CDK14: variants seen among roughly 807,000 people sequenced by gnomAD.
CDK14 encodes the protein cyclin-dependent kinase 14.
Under a neutral mutation model 60.7 loss-of-function variants are expected in CDK14, and 34 were observed. The ratio of observed to expected loss-of-function variants is 0.56; its 90% CI spans 0.43 to 0.75. The LOEUF (loss-of-function observed/expected upper bound fraction) is 0.75, where lower values mean the gene tolerates loss of function less well. CDK14 is among the 30% of genes least tolerant of loss of function. The probability of loss-of-function intolerance (pLI) is 0.00; values close to 1 mark genes in which losing one functional copy is unlikely to be tolerated. For missense variants in CDK14, 482 were observed against 564.1 expected (o/e 0.85, Z 1.47); for synonymous variants, 197 against 203.7 (o/e 0.97, Z 0.28).
At chr7:91,081,169 A>G (rs1798473194) in intron 12 of CDK14, among the ~76,000 whole-genome samples, 1 of 152,234 alleles carries the variant, frequency 6.6e-6, no homozygotes, top group South Asian at 2.1e-4. Flanking sequence ...GCCTCTAGCC[A>G]ATTCAAACCA....
chr7:91,033,954 A>G (rs922239272), intron 10 of CDK14, among the ~76,000 whole-genome samples: 4 of 152,330 alleles, frequency 2.6e-5, no homozygotes, highest in Non-Finnish European at 5.9e-5. Flanking sequence ...GAACAGGGAG[A>G]GGGAAAAGCA....
chr7:90,677,648 GT>G (rs368811450), intron 2 of CDK14, among the ~76,000 whole-genome samples: 1,790 of 148,992 alleles, frequency 0.012, 11 homozygotes, highest in Non-Finnish European at 0.02. Flanking sequence ...CCTGGAAGCT[GT>G]TTTTTTTTTC....
intron 2 of CDK14, chr7:90,709,868 T>C (rs1801998117): frequency 1.5e-6 from 2 of 1,363,906 alleles, no homozygotes; most frequent in African/African-American, 3.0e-5. Context: ...ATTCAGTTGC[T>C]GTATGAGCCT....
At chr7:90,963,108 T>TGC (rs1204464162) in intron 9 of CDK14, among the ~76,000 whole-genome samples, 3 of 151,498 alleles carry the variant, frequency 2.0e-5, no homozygotes, top group Admixed American at 1.3e-4. Flanking sequence ...TGTGTGTGTG[T>TGC]GTGTGTGTGT....
chr7:90,607,177 C>CT (rs1799436049), intron 2 of CDK14, among the ~76,000 whole-genome samples: 1 of 152,198 alleles, frequency 6.6e-6, no homozygotes, highest in South Asian at 2.1e-4. Flanking sequence ...GAACTGAGTT[C>CT]TTCTGTGATC....
chr7:90,638,696 A>T (rs1408739599), intron 2 of CDK14, among the ~76,000 whole-genome samples: 1 of 152,144 alleles, frequency 6.6e-6, no homozygotes, highest in South Asian at 2.1e-4. Flanking sequence ...AGATTGGGGA[A>T]GTTCTCCTGG....
At chr7:91,162,257 T>G (rs1801190356) in intron 14 of CDK14, among the ~76,000 whole-genome samples, 1 of 152,362 alleles carries the variant, frequency 6.6e-6, no homozygotes, top group East Asian at 1.9e-4. Flanking sequence ...TTTTCAGATA[T>G]TCTTAGTAAT....
At chr7:90,998,743 G>A (rs1342393812) in intron 10 of CDK14, among the ~76,000 whole-genome samples, 1 of 152,086 alleles carries the variant, frequency 6.6e-6, no homozygotes, top group Non-Finnish European at 1.5e-5. Flanking sequence ...AAAAAAATTA[G>A]CTGGGTGTGG....
intron 11 of CDK14, among the ~76,000 whole-genome samples, chr7:91,078,817 A>G (rs1385670293): frequency 1.3e-5 from 2 of 152,232 alleles, no homozygotes; most frequent in Non-Finnish European, 2.9e-5. Flanking sequence ...GTATATCATC[A>G]GAAGTGAAAG....
At chr7:91,160,597 G>C (rs920540337) in intron 14 of CDK14, among the ~76,000 whole-genome samples, 1 of 152,072 alleles carries the variant, frequency 6.6e-6, no homozygotes, top group Non-Finnish European at 1.5e-5. Context: ...CCAAAATTTG[G>C]TGTGTAGTTA....
At chr7:91,048,256 C>T (rs1401808288) in intron 11 of CDK14, among the ~76,000 whole-genome samples, 1 of 152,018 alleles carries the variant, frequency 6.6e-6, no homozygotes, top group East Asian at 1.9e-4. Context: ...TTTTAGTTTT[C>T]TCATATTAAA....
At chr7:90,821,407 A>T (rs1201003143) in intron 5 of CDK14, among the ~76,000 whole-genome samples, 1 of 152,214 alleles carries the variant, frequency 6.6e-6, no homozygotes, top group Non-Finnish European at 1.5e-5. Context: ...TGCTCTCCTG[A>T]GTGACCTTTG....
chr7:91,069,790 T>A (rs1381386054), intron 11 of CDK14, among the ~76,000 whole-genome samples: 3 of 152,230 alleles, frequency 2.0e-5, no homozygotes, highest in African/African-American at 4.8e-5. Context: ...AAACATTTTT[T>A]AAAATTTTTT....
chr7:90,807,694 T>A (rs767943780), intron 5 of CDK14, among the ~76,000 whole-genome samples: 1 of 152,068 alleles, frequency 6.6e-6, no homozygotes, highest in Non-Finnish European at 1.5e-5. Flanking sequence ...TCCGAACCCA[T>A]GGCAAAGAAG....
intron 2 of CDK14, among the ~76,000 whole-genome samples, chr7:90,631,104 C>T (rs1799988737): frequency 6.6e-6 from 1 of 152,120 alleles, no homozygotes; most frequent in South Asian, 2.1e-4. Context: ...ATGGAAGCAG[C>T]ATGGAATCAA....
chr7:90,745,738 CA>C (rs1331451792), intron 3 of CDK14, among the ~76,000 whole-genome samples: 2 of 152,164 alleles, frequency 1.3e-5, no homozygotes, highest in African/African-American at 4.8e-5. Flanking sequence ...CTTACCTTTG[CA>C]GTGTTAACTT....
chr7:90,633,647 T>C (rs540231594), intron 2 of CDK14, among the ~76,000 whole-genome samples: 93 of 152,336 alleles, frequency 6.1e-4, no homozygotes, highest in African/African-American at 1.9e-3. Context: ...AAAATCTATC[T>C]TTTGTCTCTA....
chr7:91,195,702 A>G (rs566828925), intron 14 of CDK14, among the ~76,000 whole-genome samples: 7 of 152,334 alleles, frequency 4.6e-5, no homozygotes, highest in East Asian at 3.9e-4. Flanking sequence ...AAAGAAGACA[A>G]TTATTTACCC....
intron 9 of CDK14, among the ~76,000 whole-genome samples, chr7:90,965,783 G>A (rs1458652034): frequency 2.6e-5 from 4 of 152,202 alleles, no homozygotes; most frequent in Non-Finnish European, 5.9e-5. Flanking sequence ...TATCATTAAT[G>A]ATAATGTATA....
Sources: allele counts gnomAD v4.1 joint callset (sites outside exome capture counted in the v4.1 genomes callset), GRCh38; gene constraint gnomAD v4.1.1; transcripts MANE v1.5; gene names NCBI Gene and HGNC (gene_info 2026-07-23, HGNC 2026-07-21).